Variants in FA2H observed in about 807,000 individuals in gnomAD.
FA2H encodes fatty acid 2-hydroxylase, also known as fatty acid alpha-hydroxylase.
FA2H carries 22 observed loss-of-function variants against 44.9 expected under a neutral mutation model. The observed-to-expected ratio is 0.49, with a 90% CI of 0.35 to 0.70. FA2H has a LOEUF of 0.70. Among genes scored for constraint, FA2H ranks in the 30% least tolerant of loss-of-function variants. FA2H has a pLI of 0.01. For missense variants in FA2H, 501 were observed against 504.9 expected (o/e 0.99, Z 0.07); for synonymous variants, 243 against 213.2 (o/e 1.14, Z -1.22).
At chr16:74,763,402 C>A (rs911184564) in intron 1 of FA2H, among the ~76,000 whole-genome samples, 1 of 152,010 alleles carries the variant, frequency 6.6e-6, no homozygotes, top group African/African-American at 2.4e-5. Flanking sequence ...GGATTACAGG[C>A]ACGCACCACC....
intron 1 of FA2H, among the ~76,000 whole-genome samples, chr16:74,764,457 C>G (rs957281237): frequency 1.3e-5 from 2 of 152,136 alleles, no homozygotes; most frequent in African/African-American, 4.8e-5. Context: ...CCTTAGCAAA[C>G]TAAGTCAGGA....
chr16:74,765,400 G>A (rs1486157200), intron 1 of FA2H, among the ~76,000 whole-genome samples: 3 of 152,010 alleles, frequency 2.0e-5, no homozygotes, highest in African/African-American at 4.8e-5. Context: ...CAGGTAATCC[G>A]CCTGCCTTGG....
intron 2 of FA2H, 147 bp from the exon 3 acceptor site, chr16:74,727,533 T>C (rs1401973760): frequency 1.5e-5 from 13 of 874,066 alleles, no homozygotes; most frequent in Non-Finnish European, 2.4e-5. Flanking sequence ...GCTTCAGTGA[T>C]CAAGAACTGA....
chr16:74,754,591 G>A (rs964694764), intron 1 of FA2H, among the ~76,000 whole-genome samples: 5 of 151,818 alleles, frequency 3.3e-5, no homozygotes, highest in Non-Finnish European at 7.4e-5. Flanking sequence ...GCATTGACGT[G>A]ATCTCAGCTC....
intron 2 of FA2H, among the ~76,000 whole-genome samples, chr16:74,727,825 C>T (rs1335028830): frequency 1.3e-5 from 2 of 152,214 alleles, no homozygotes; most frequent in Non-Finnish European, 1.5e-5. Context: ...TCTTGAGGTA[C>T]AGGAGGTAAT....
chr16:74,753,304 T>C (rs1056024868), intron 1 of FA2H, among the ~76,000 whole-genome samples: 6 of 152,190 alleles, frequency 3.9e-5, no homozygotes, highest in Admixed American at 1.3e-4. Flanking sequence ...GGCAAGAGCA[T>C]GGGCTGCCCG....
intron 3 of FA2H, among the ~76,000 whole-genome samples, chr16:74,726,864 C>A (rs1345860235): frequency 6.6e-6 from 1 of 152,188 alleles, no homozygotes; most frequent in African/African-American, 2.4e-5. Context: ...AGATGAGTTA[C>A]TGGCAGAAAA....
chr16:74,764,738 AAG>A (rs1491295635), intron 1 of FA2H, among the ~76,000 whole-genome samples: 4 of 152,078 alleles, frequency 2.6e-5, no homozygotes, highest in African/African-American at 9.7e-5. Flanking sequence ...AAAAAAAAAA[AAG>A]AATAGGAGCA....
chr16:74,735,382 C>G (rs73614686), intron 2 of FA2H, among the ~76,000 whole-genome samples: 11,876 of 152,230 alleles, frequency 0.078, 533 homozygotes, highest in African/African-American at 0.12. Context: ...TCCGGATCAC[C>G]TGCCTCCTCC....
At chr16:74,758,314 G>A (rs1164283065) in intron 1 of FA2H, among the ~76,000 whole-genome samples, 4 of 151,636 alleles carry the variant, frequency 2.6e-5, no homozygotes, top group Non-Finnish European at 5.9e-5. Flanking sequence ...TAGAGTCAGG[G>A]TTTCACTATG....
At chr16:74,752,349 C>G (rs1464324522) in intron 1 of FA2H, among the ~76,000 whole-genome samples, 1 of 152,132 alleles carries the variant, frequency 6.6e-6, no homozygotes, top group African/African-American at 2.4e-5. Context: ...AAATCTAAAT[C>G]CCTGGCCATG....
intron 1 of FA2H, 146 bp from the exon 2 acceptor site, chr16:74,740,261 T>C (rs1962266017): frequency 2.8e-6 from 2 of 718,586 alleles, no homozygotes. Context: ...CTGGGTACTT[T>C]GGAAAACAGA....
chr16:74,756,514 G>A (rs186028960), intron 1 of FA2H, among the ~76,000 whole-genome samples: 310 of 152,182 alleles, frequency 2.0e-3, no homozygotes, highest in African/African-American at 7.0e-3. Flanking sequence ...GACTGTGTTC[G>A]CCAAGGCTGG....
chr16:74,727,243 C>A lies in FA2H; in HGVS notation c.506+1G>T, dbSNP rs753097023. 2 of 1,613,910 alleles carry A rather than the reference C, an allele frequency of 1.2e-6. No individual in the cohort carries two copies. The highest frequency in any genetic ancestry group is 1.3e-5 in the African/African-American group (1 of 74,900). On this transcript the variant is annotated splice_donor_variant, in intron 3 of 6. Coordinates refer to ENST00000219368, the MANE Select transcript of FA2H (RefSeq NM_024306.5). LOFTEE classifies it high-confidence loss of function. ...TGCCACAGGCTCAGGGAAGAGCTCA[C>A]CAGACAGTCTTAGAGAGGCCCTCAA...
chr16:74,729,482 C>G (rs561955514), intron 2 of FA2H, among the ~76,000 whole-genome samples: 1 of 152,316 alleles, frequency 6.6e-6, no homozygotes, highest in Non-Finnish European at 1.5e-5. Context: ...TTCTAATGCA[C>G]AGACTGTGAG....
chr16:74,738,822 G>C (rs868512286), intron 2 of FA2H, among the ~76,000 whole-genome samples: 1 of 152,248 alleles, frequency 6.6e-6, no homozygotes, highest in African/African-American at 2.4e-5. Flanking sequence ...TCGGAAACCA[G>C]GTCCCAGCTC....
intron 1 of FA2H, among the ~76,000 whole-genome samples, chr16:74,759,802 G>C (rs1480165493): frequency 2.0e-5 from 3 of 152,192 alleles, no homozygotes; most frequent in Non-Finnish European, 4.4e-5. Flanking sequence ...CACCTGGACA[G>C]GACTTGCATC....
chr16:74,740,668 T>A (rs982661094), intron 1 of FA2H, among the ~76,000 whole-genome samples: 3 of 144,398 alleles, frequency 2.1e-5, no homozygotes, highest in Admixed American at 6.9e-5. Context: ...ATAATAATAA[T>A]AAAATTTCTG....
intron 1 of FA2H, among the ~76,000 whole-genome samples, chr16:74,763,058 TC>T (rs1452006456): frequency 6.6e-6 from 1 of 152,206 alleles, no homozygotes; most frequent in Non-Finnish European, 1.5e-5. Flanking sequence ...CTGGATTTAT[TC>T]AGTCCAGCGA....
Sources: allele counts gnomAD v4.1 joint callset (sites outside exome capture counted in the v4.1 genomes callset), GRCh38; gene constraint gnomAD v4.1.1; transcripts MANE v1.5; gene names NCBI Gene and HGNC (gene_info 2026-07-23, HGNC 2026-07-21).